DLGAP1: variants seen among roughly 807,000 people sequenced by gnomAD.
DLGAP1 encodes the protein disks large-associated protein 1.
DLGAP1 carries 11 observed loss-of-function variants against 90.8 expected under a neutral mutation model. The ratio of observed to expected loss-of-function variants is 0.12; its 90% CI spans 0.08 to 0.20. The LOEUF is 0.20. Among genes scored for constraint, DLGAP1 ranks in the 10% least tolerant of loss-of-function variants. DLGAP1 has a pLI of 1.00. For synonymous variants in DLGAP1, 558 were observed against 540.7 expected (o/e 1.03, Z -0.44); for missense variants, 1,050 against 1,333.8 (o/e 0.79, Z 3.31).
intron 1 of DLGAP1, among the ~76,000 whole-genome samples, chr18:4,214,664 TCC>T (rs2077915471): frequency 6.6e-6 from 1 of 152,160 alleles, no homozygotes; most frequent in Non-Finnish European, 1.5e-5. Flanking sequence ...TAGTTCACCC[TCC>T]TTAACATAAT....
chr18:3,836,057 T>A (rs896285071), intron 4 of DLGAP1, among the ~76,000 whole-genome samples: 2 of 152,234 alleles, frequency 1.3e-5, no homozygotes, highest in Non-Finnish European at 2.9e-5. Flanking sequence ...CCTGCTGTCA[T>A]ACGATTCCAC....
chr18:3,645,645 G>C (rs2059093044), intron 7 of DLGAP1, among the ~76,000 whole-genome samples: 1 of 152,132 alleles, frequency 6.6e-6, no homozygotes. Context: ...ATCTACCCAG[G>C]CAGAGTTCCT....
chr18:4,026,194 T>G (rs2074696117), intron 2 of DLGAP1, among the ~76,000 whole-genome samples: 1 of 152,196 alleles, frequency 6.6e-6, no homozygotes, highest in South Asian at 2.1e-4. Context: ...TAGGTTAAGT[T>G]GAATTTAGTT....
At chr18:4,247,881 C>G (rs146450772) in intron 1 of DLGAP1, among the ~76,000 whole-genome samples, 2,913 of 152,222 alleles carry the variant, frequency 0.019, 36 homozygotes, top group Non-Finnish European at 0.027. Context: ...AATCATGGCC[C>G]TTGGGATTTA....
rs1009212718 is a variant in DLGAP1, at chr18:3,881,779, G to T, written c.-72-1639C>A. Among the ~76,000 whole-genome samples, 6 of 152,166 alleles carry T rather than the reference G, an allele frequency of 3.9e-5. No individual in the cohort carries two copies. The East Asian group carries it at 7.7e-4, about 20-fold the overall frequency. ...ATACAAAAAATTAGCCAGGCATGGT[G>T]GCAGGCGCCTGTAGTCCCAGCTACT... On this transcript the variant is annotated intron_variant, in intron 3 of 12. Transcript: ENST00000315677.
chr18:3,854,077 G>A (rs1477478087), intron 4 of DLGAP1, among the ~76,000 whole-genome samples: 1 of 152,092 alleles, frequency 6.6e-6, no homozygotes, highest in East Asian at 1.9e-4. Context: ...TTTACAAAAT[G>A]TACCCAATAA....
chr18:3,625,811 T>C (rs1190577626), intron 7 of DLGAP1, among the ~76,000 whole-genome samples: 1 of 152,264 alleles, frequency 6.6e-6, no homozygotes, highest in Non-Finnish European at 1.5e-5. Context: ...GAGTTCTTAA[T>C]TTCTGGCATG....
At chr18:4,409,604 C>T (rs1182468840) in intron 1 of DLGAP1, among the ~76,000 whole-genome samples, 15 of 152,118 alleles carry the variant, frequency 9.9e-5, no homozygotes, top group African/African-American at 1.7e-4. Context: ...CTTTGATTAT[C>T]GCCATTCTTA....
intron 2 of DLGAP1, among the ~76,000 whole-genome samples, chr18:4,061,327 A>T (rs1303298106): frequency 6.6e-6 from 1 of 152,156 alleles, no homozygotes; most frequent in African/African-American, 2.4e-5. Context: ...TTTAAGTTAG[A>T]TAGGATAAAG....
In DLGAP1 at chr18:3,586,951, A is replaced by G. The variant is rs185461463; in HGVS notation, c.1592-4703T>C. Among the ~76,000 whole-genome samples, 414 of 152,362 alleles carry G rather than the reference A, an allele frequency of 2.7e-3. 1 individual carries two copies. Among genetic ancestry groups the G allele is most frequent in the Non-Finnish European group, 4.4e-3 (298 of 68,036 alleles). On this transcript the variant is annotated intron_variant, in intron 7 of 12. Coordinates refer to ENST00000315677, the MANE Select transcript of DLGAP1 (RefSeq NM_004746.4). ...ACTGAAGGAGGGTGAAACACCAGCC[A>G]ATATGTTTGTCTTGCCTGGTCAAAA...
At chr18:3,602,276 C>T (rs2057082422) in intron 7 of DLGAP1, among the ~76,000 whole-genome samples, 1 of 152,010 alleles carries the variant, frequency 6.6e-6, no homozygotes, top group Non-Finnish European at 1.5e-5. Context: ...CGAGACAGTG[C>T]ACGTAACACA....
At chr18:4,317,315 A>T (rs981681164) in intron 1 of DLGAP1, among the ~76,000 whole-genome samples, 1 of 152,140 alleles carries the variant, frequency 6.6e-6, no homozygotes, top group South Asian at 2.1e-4. Context: ...CATCTTTTTC[A>T]AATGATATGT....
chr18:4,379,008 G>A (rs1217378019), intron 1 of DLGAP1, among the ~76,000 whole-genome samples: 1 of 152,124 alleles, frequency 6.6e-6, no homozygotes, highest in Non-Finnish European at 1.5e-5. Context: ...ACAGTTGATA[G>A]GACCAAGGGT....
chr18:4,409,618 G>A (rs1157017896), intron 1 of DLGAP1, among the ~76,000 whole-genome samples: 1 of 152,146 alleles, frequency 6.6e-6, no homozygotes, highest in Non-Finnish European at 1.5e-5. Flanking sequence ...ATTCTTACAG[G>A]AGTAAGATGG....
chr18:4,293,312 G>A (rs2079895339), intron 1 of DLGAP1: 1 of 152,248 alleles, frequency 6.6e-6, no homozygotes, highest in Non-Finnish European at 1.5e-5. Context: ...GGATGGTCAA[G>A]TTTGGCTCTG....
chr18:3,623,184 G>A (rs911839278), intron 7 of DLGAP1, among the ~76,000 whole-genome samples: 9 of 152,122 alleles, frequency 5.9e-5, no homozygotes, highest in Non-Finnish European at 1.5e-5. Context: ...CCTCACTGGT[G>A]AAACAGGCAT....
intron 2 of DLGAP1, among the ~76,000 whole-genome samples, chr18:4,148,722 C>T (rs1274970270): frequency 4.6e-5 from 7 of 152,220 alleles, no homozygotes; most frequent in Non-Finnish European, 1.0e-4. Context: ...GTCCCCTCCA[C>T]TTTAATTTCC....
chr18:3,709,090 C>T (rs1013217959), intron 7 of DLGAP1, among the ~76,000 whole-genome samples: 4 of 152,104 alleles, frequency 2.6e-5, no homozygotes, highest in African/African-American at 7.2e-5. Context: ...GTTATACAAC[C>T]GTGGAAAAAA....
At chr18:4,012,777 G>A (rs920450115) in intron 2 of DLGAP1, among the ~76,000 whole-genome samples, 1 of 150,308 alleles carries the variant, frequency 6.7e-6, no homozygotes, top group African/African-American at 2.5e-5. Context: ...CTGCAGTGGC[G>A]CAATCTTGGC....
Sources: allele counts gnomAD v4.1 joint callset (sites outside exome capture counted in the v4.1 genomes callset), GRCh38; gene constraint gnomAD v4.1.1; transcripts MANE v1.5; gene names NCBI Gene and HGNC (gene_info 2026-07-23, HGNC 2026-07-21).